TRIM37: variants seen among roughly 807,000 people sequenced by gnomAD.
TRIM37 encodes tripartite motif containing 37, also known as E3 ubiquitin-protein ligase TRIM37.
TRIM37 carries 80 observed loss-of-function variants against 129.8 expected under a neutral mutation model. The ratio of observed to expected loss-of-function variants is 0.62; its 90% CI spans 0.51 to 0.74. The LOEUF is 0.74. TRIM37 is among the 30% of genes least tolerant of loss of function. TRIM37 has a pLI of 0.00. For synonymous variants in TRIM37, 389 were observed against 387.1 expected (o/e 1.00, Z -0.06); for missense variants, 1,054 against 1,176.5 (o/e 0.90, Z 1.52).
At chr17:59,061,919 T>C (rs945522226) in intron 11 of TRIM37, among the ~76,000 whole-genome samples, 1 of 151,974 alleles carries the variant, frequency 6.6e-6, no homozygotes. Flanking sequence ...AGGTTCGACA[T>C]GATAATCACT....
intron 24 of TRIM37, among the ~76,000 whole-genome samples, chr17:58,990,409 T>C (rs944277640): frequency 4.0e-5 from 6 of 151,248 alleles, no homozygotes; most frequent in Non-Finnish European, 7.4e-5. Context: ...AAGAATCGTG[T>C]GAACCTTGGA....
intron 21 of TRIM37, among the ~76,000 whole-genome samples, chr17:59,015,208 T>C (rs1362354036): frequency 6.7e-6 from 1 of 150,368 alleles, no homozygotes; most frequent in Non-Finnish European, 1.5e-5. Context: ...GAGGCTGAGG[T>C]GGGCGTATCA....
rs368063857 is a variant in TRIM37, at chr17:59,091,314, T to C, written c.150A>G (p.Gln50=). Residue 50 remains glutamine, a synonymous_variant, in exon 3 of 24, where the codon CAA becomes CAG. Transcript: ENST00000262294. The part of the protein sequence containing the change: ...IRRWLTEQRA[Q]CPHCRAPLQL... ...GAAACACTTACCGGCAATGAGGACA[T>C]TGAGCTCTCTGCTCTGTCAGCCAGC... The C allele has an allele frequency of 4.4e-6, 7 of 1,583,176 alleles. No homozygotes were observed. In the African/African-American group the frequency reaches 5.4e-5, roughly 12 times the overall value.
At chr17:58,985,088 T>C (rs1353808094) in intron 24 of TRIM37, 2 of 152,668 alleles carry the variant, frequency 1.3e-5, no homozygotes, top group African/African-American at 4.8e-5. Flanking sequence ...TCATGAGTGA[T>C]CCTTCATATT....
At chr17:59,072,695 C>T (rs1440543214) in intron 8 of TRIM37, among the ~76,000 whole-genome samples, 2 of 151,596 alleles carry the variant, frequency 1.3e-5, no homozygotes, top group African/African-American at 4.9e-5. Context: ...TTACAGTGAG[C>T]CAAGATCACG....
intron 17 of TRIM37, among the ~76,000 whole-genome samples, 178 bp downstream of exon 17, chr17:59,041,635 C>G (rs2039161711): frequency 6.6e-6 from 1 of 152,164 alleles, no homozygotes; most frequent in South Asian, 2.1e-4. Flanking sequence ...CAAATGTTAG[C>G]TATTGTTTTA....
At chr17:59,015,217 C>A (rs1442426637) in intron 21 of TRIM37, among the ~76,000 whole-genome samples, 1 of 152,026 alleles carries the variant, frequency 6.6e-6, no homozygotes, top group Non-Finnish European at 1.5e-5. Flanking sequence ...GTGGGCGTAT[C>A]ACTTGAGGTC....
chr17:58,980,910 T>A, downstream of TRIM37: 1 of 1,614,126 alleles, frequency 6.2e-7, no homozygotes, highest in Non-Finnish European at 8.5e-7. The surrounding 1 kb of genome is among the most constrained non-coding windows in gnomAD (Gnocchi z 4.7). Context: ...AGAAATAGGA[T>A]AAGAAGTTCT....
At chr17:59,094,255 C>A (rs2044659507) in intron 2 of TRIM37, among the ~76,000 whole-genome samples, 1 of 152,046 alleles carries the variant, frequency 6.6e-6, no homozygotes, top group Non-Finnish European at 1.5e-5. Flanking sequence ...TTGAGAAAAG[C>A]AATGTTTCTC....
At chr17:58,974,938 G>A in the TRIM37 span, among the ~76,000 whole-genome samples, 1 of 152,072 alleles carries the variant, frequency 6.6e-6, no homozygotes, top group Non-Finnish European at 1.5e-5. Flanking sequence ...TAGACTGGAG[G>A]GAATTATTAG....
chr17:58,972,121 A>G, the TRIM37 span: 1 of 1,606,580 alleles, frequency 6.2e-7, no homozygotes, highest in Non-Finnish European at 8.5e-7. Flanking sequence ...TTTTATTTAA[A>G]CTGTTTTCAG....
Position 59,051,765 on chromosome 17 carries a change from C to T in TRIM37, c.1200-437G>A, listed in dbSNP as rs1486392499. ...TTTTTTTTTGAGACGGAGTCTCGCT[C>T]TGTCGCCCAGGCTGGAGTGCAGTGG... is the stretch of plus-strand genomic sequence containing the variant. On this transcript the variant is annotated intron_variant, in intron 13 of 23. Coordinates refer to ENST00000262294, the MANE Select transcript of TRIM37 (RefSeq NM_015294.6). Among the ~76,000 whole-genome samples, 4 of 151,372 alleles carry T rather than the reference C, an allele frequency of 2.6e-5. No individual in the cohort carries two copies. The East Asian group carries it at 7.7e-4, about 29-fold the overall frequency.
At chr17:58,995,349 G>A (rs556187534), downstream of TRIM37, among the ~76,000 whole-genome samples, 4 of 151,718 alleles carry the variant, frequency 2.6e-5, no homozygotes, top group South Asian at 8.3e-4. Flanking sequence ...TTAGGAAGTG[G>A]TTAATTCCAT....
Position 59,106,848 on chromosome 17 carries a change from A to G in TRIM37, c.-387T>C. ...ATTCGCAAACACCAACCGTAACCAG[A>G]GCAGCTGGGGGCGCGGCGGCGAGAG... On this transcript the variant is annotated 5_prime_UTR_variant, in exon 1 of 24. Transcript: ENST00000262294. 5 of 365,426 alleles carry G rather than the reference A, an allele frequency of 1.4e-5. No individual in the cohort carries two copies. The South Asian group carries it at 1.6e-4, about 12-fold the overall frequency. The allele number at this position is 365,426 out of a possible 1,614,324, so 22.6% of individuals were successfully genotyped here.
At chr17:58,980,378 G>A (rs760128692), downstream of TRIM37, 13 of 1,614,136 alleles carry the variant, frequency 8.1e-6, no homozygotes, top group Non-Finnish European at 8.5e-6. This position sits in a 1 kb window ranked among gnomAD's most constrained non-coding sequence, Gnocchi z 4.7. Context: ...AGCACCAGCC[G>A]ACCTAGGCTA....
At chr17:58,968,340 C>G in the TRIM37 span, among the ~76,000 whole-genome samples, 1 of 152,132 alleles carries the variant, frequency 6.6e-6, no homozygotes, top group Non-Finnish European at 1.5e-5. Context: ...CGGGATGATC[C>G]TTTGAGCCCA....
At chr17:58,994,798 G>C (rs1340760905), downstream of TRIM37, among the ~76,000 whole-genome samples, 5 of 151,208 alleles carry the variant, frequency 3.3e-5, no homozygotes. Context: ...GCCCAGGCTG[G>C]AGTGCAAATG....
intron 2 of TRIM37, among the ~76,000 whole-genome samples, chr17:59,100,906 C>T (rs1183409669): frequency 6.6e-6 from 1 of 151,694 alleles, no homozygotes; most frequent in African/African-American, 2.4e-5. Context: ...CCTATAATCC[C>T]AGCTACTTGG....
chr17:58,976,884 C>T, the TRIM37 span, among the ~76,000 whole-genome samples: 27,923 of 151,508 alleles, frequency 0.18, 2,723 homozygotes, highest in Non-Finnish European at 0.21. Context: ...TTTTTAGAGG[C>T]GGAATTCAAA....
Sources: allele counts gnomAD v4.1 joint callset (sites outside exome capture counted in the v4.1 genomes callset), GRCh38; gene constraint gnomAD v4.1.1; non-coding constraint Gnocchi (gnomAD v3.1); transcripts MANE v1.5; gene names NCBI Gene and HGNC (gene_info 2026-07-23, HGNC 2026-07-21).